Variants in SETD2 observed in about 807,000 individuals in gnomAD.
SETD2 encodes the protein histone-lysine N-methyltransferase SETD2.
Under a neutral mutation model 242.1 loss-of-function variants are expected in SETD2, and 31 were observed. The ratio of observed to expected loss-of-function variants is 0.13; its 90% CI spans 0.10 to 0.17. SETD2 has a LOEUF of 0.17. Ranked by LOEUF, SETD2 falls within the 10% of genes least tolerant of loss-of-function variation. The pLI, the probability that SETD2 is intolerant of heterozygous loss-of-function variation, is 1.00. For synonymous variants in SETD2, 1,006 were observed against 1,066.5 expected, an observed-to-expected ratio of 0.94 and a Z score of 1.11; for missense variants, 2,481 against 3,046.3, an observed-to-expected ratio of 0.81 and a Z score of 4.37.
At chr3:47,098,588 G>C (rs895779306) in intron 8 of SETD2, 2 of 152,494 alleles carry the variant, frequency 1.3e-5, no homozygotes, top group Non-Finnish European at 2.9e-5. Flanking sequence ...GGGAGGCCAG[G>C]AGTTTGAGAC....
intron 12 of SETD2, 102 bp downstream of exon 12, chr3:47,083,618 C>A: frequency 1.8e-6 from 2 of 1,101,188 alleles, no homozygotes; most frequent in Admixed American, 4.6e-5. Context: ...TTCCATTTTT[C>A]AGAAATATGC....
intron 1 of SETD2, among the ~76,000 whole-genome samples, chr3:47,129,192 G>T (rs932684883): frequency 6.6e-6 from 1 of 151,996 alleles, no homozygotes; most frequent in Non-Finnish European, 1.5e-5. Flanking sequence ...AAAAAGAAAA[G>T]AAAAGAAATG....
intron 1 of SETD2, among the ~76,000 whole-genome samples, chr3:47,156,957 G>A (rs1575855671): frequency 6.6e-6 from 1 of 151,528 alleles, no homozygotes; most frequent in Admixed American, 6.6e-5. Flanking sequence ...CCAAAACCCT[G>A]TCTCTATAAA....
chr3:47,021,620 A>G (rs887585672), intron 18 of SETD2, among the ~76,000 whole-genome samples: 15 of 152,158 alleles, frequency 9.9e-5, no homozygotes, highest in Admixed American at 8.5e-4. Context: ...CCCCAGACTT[A>G]CATCATGGAA....
At chr3:47,081,849 A>G (rs1167727005) in intron 12 of SETD2, among the ~76,000 whole-genome samples, 2 of 152,246 alleles carry the variant, frequency 1.3e-5, no homozygotes, top group South Asian at 2.1e-4. Context: ...TAAAGTTTGA[A>G]GAAGAGAGGA....
rs1575643289 is a variant in SETD2 at position 47,017,863 on chromosome 3, G to A, written c.7432-124C>T. 1.4e-6 allele frequency: 1 copy of A among 723,878 alleles called. No homozygotes were observed. The highest frequency in any genetic ancestry group is 2.5e-6 in the Non-Finnish European group (1 of 401,712). The allele number at this position is 723,878 out of a possible 1,614,324, so 44.8% of individuals were successfully genotyped here. A position where few individuals can be genotyped will look rare whatever the true frequency, so the allele number is the denominator to read the frequency against. On this transcript the variant is annotated intron_variant, in intron 19 of 20. Coordinates refer to ENST00000409792, the MANE Select transcript of SETD2 (RefSeq NM_014159.7). The surrounding 1 kb of genome is among the most constrained non-coding windows in gnomAD (Gnocchi z 4.8). ...CAATCCTTCTCCTTTTCCTCCCTCA[G>A]GTTAACTGGTTTGGACAGTGGAATA...
At chr3:47,055,934 AC>A (rs2040038474) in intron 15 of SETD2, among the ~76,000 whole-genome samples, 1 of 136,258 alleles carries the variant, frequency 7.3e-6, no homozygotes, top group South Asian at 2.4e-4. Flanking sequence ...AATGGCGTGA[AC>A]CCGGGAGGCG....
chr3:47,116,497 T>C (rs760805232), intron 4 of SETD2, 126 bp downstream of exon 4: 18 of 831,418 alleles, frequency 2.2e-5, no homozygotes, highest in South Asian at 3.4e-5. Context: ...GTGTCTACTA[T>C]ACTTTTTTGC....
At chr3:47,055,955 G>A (rs2040039835) in intron 15 of SETD2, among the ~76,000 whole-genome samples, 2 of 128,886 alleles carry the variant, frequency 1.6e-5, no homozygotes, top group African/African-American at 5.8e-5. Flanking sequence ...GGAGCTTGCA[G>A]TGAACCGAGA....
At chr3:47,050,707 T>C (rs1039206866) in intron 15 of SETD2, among the ~76,000 whole-genome samples, 1 of 147,122 alleles carries the variant, frequency 6.8e-6, no homozygotes, top group Non-Finnish European at 1.5e-5. Flanking sequence ...ACTCAACCTG[T>C]ATACATTTCC....
intron 8 of SETD2, among the ~76,000 whole-genome samples, chr3:47,100,007 T>C (rs2042149089): frequency 6.6e-6 from 1 of 151,882 alleles, no homozygotes; most frequent in Non-Finnish European, 1.5e-5. Context: ...AGAGTCTTTC[T>C]CTGTGCCCAG....
chr3:47,047,988 G>A (rs1026010121), intron 15 of SETD2, among the ~76,000 whole-genome samples: 2 of 152,126 alleles, frequency 1.3e-5, no homozygotes, highest in Non-Finnish European at 2.9e-5. Context: ...TTGTTCCTAG[G>A]CTACAAACCT....
In SETD2 at chr3:47,122,567, T is replaced by C. The variant is rs1289576507; in HGVS notation, c.2069A>G (p.Lys690Arg). ...AGAAGTCATTAAAACAGCATCAGTTTTAGAAGTGCAAAATGTTGCCAAATC... is the reference window on the plus strand; with the variant it reads ...AGAAGTCATTAAAACAGCATCAGTTCTAGAAGTGCAAAATGTTGCCAAATC... ...ESDLATFCTS[K>R]TDAVLMTSDD... The change falls in exon 3 of 21, where the codon AAA (lysine) becomes AGA (arginine). Residue 690 changes from lysine (K) to arginine (R), a missense_variant. Around this residue, in one of 17 missense-constraint regions of SETD2, gnomAD observed 1,300 missense variants for 1,259.2 expected, o/e 1.03. Transcript: ENST00000409792. The C allele has an allele frequency of 6.2e-7, 1 of 1,614,158 alleles. No individual in the cohort carries two copies. The highest frequency in any genetic ancestry group is 1.1e-5 in the South Asian group (1 of 91,080).
chr3:47,100,097 C>G (rs541147644), intron 8 of SETD2, among the ~76,000 whole-genome samples: 29 of 151,370 alleles, frequency 1.9e-4, no homozygotes, highest in Middle Eastern at 3.5e-3. Flanking sequence ...CATGTGCCAC[C>G]CCACCTGGCT....
chr3:47,110,038 G>A (rs2107708260), intron 5 of SETD2, among the ~76,000 whole-genome samples: 1 of 149,172 alleles, frequency 6.7e-6, no homozygotes, highest in Non-Finnish European at 1.5e-5. Context: ...CTAACAAAAG[G>A]ATATACAAAA....
intron 12 of SETD2, among the ~76,000 whole-genome samples, chr3:47,078,607 T>C (rs536256335): frequency 7.0e-4 from 103 of 147,954 alleles, no homozygotes; most frequent in African/African-American, 2.5e-3. Flanking sequence ...GATTAGATCA[T>C]AGTATTTTAT....
rs1165389626 is a variant in SETD2, at chr3:47,163,959, C to G, written c.-35G>C. On this transcript the variant is annotated 5_prime_UTR_variant, in exon 1 of 21. Coordinates refer to ENST00000409792, the MANE Select transcript of SETD2 (RefSeq NM_014159.7). The stretch of plus-strand genomic sequence containing the variant: ...CTGGAGACGGCGACGCGAGCCCCCT[C>G]CCCGCAGCAGGGCGACGCGGGGGAG... The G allele has an allele frequency of 1.6e-6, 2 of 1,271,856 alleles. No homozygotes were observed. The highest frequency in any genetic ancestry group is 7.5e-5 in the Admixed American group (2 of 26,828). The allele number at this position is 1,271,856 out of a possible 1,614,324, so 78.8% of individuals were successfully genotyped here.
intron 12 of SETD2, among the ~76,000 whole-genome samples, chr3:47,081,795 T>C (rs1023798459): frequency 3.9e-5 from 6 of 152,172 alleles, no homozygotes; most frequent in Non-Finnish European, 7.3e-5. Context: ...TAAAAACATT[T>C]CTCAGTAATA....
chr3:47,044,060 C>T (rs945203193), intron 16 of SETD2, among the ~76,000 whole-genome samples: 6 of 151,952 alleles, frequency 3.9e-5, no homozygotes, highest in South Asian at 2.1e-4. Context: ...AATGCCTAGT[C>T]GGCCAAGCAC....
Sources: gnomAD v4.1 joint callset for allele counts (sites outside exome capture counted in the v4.1 genomes callset) on GRCh38, gnomAD v4.1.1 for gene constraint, gnomAD v4.1.1 regional missense constraint, Gnocchi (gnomAD v3.1) non-coding constraint, MANE v1.5 for transcripts, NCBI Gene and HGNC (gene_info 2026-07-23, HGNC 2026-07-21) for gene names.